The following MFSD8 variants were observed in gnomAD, a reference collection of about 807,000 sequenced individuals.
The protein encoded by MFSD8 is major facilitator superfamily domain containing 8, also known as major facilitator superfamily domain-containing protein 8.
Under a neutral mutation model 66.4 loss-of-function variants are expected in MFSD8, and 55 were observed. The ratio of observed to expected loss-of-function variants is 0.83; its 90% CI spans 0.67 to 1.04. MFSD8 has a LOEUF of 1.04. Ranked by LOEUF, MFSD8 falls within the 50% of genes least tolerant of loss-of-function variation. The pLI, the probability that MFSD8 is intolerant of heterozygous loss-of-function variation, is 0.00. For synonymous variants in MFSD8, 202 were observed against 212.8 expected, an observed-to-expected ratio of 0.95 and a Z score of 0.44; for missense variants, 550 against 627.6, an observed-to-expected ratio of 0.88 and a Z score of 1.32.
chr4:127,920,557 C>G lies in MFSD8; in HGVS notation c.*73G>C. ...GTCTGATTCTTGGAGACTGGCTCAC[C>G]GCAATTGTCTAGCAGAGCTTTAGAC... On this transcript the variant is annotated 3_prime_UTR_variant, in exon 12 of 12. Transcript: ENST00000641686. 6.8e-7 allele frequency: 1 copy of G among 1,479,588 alleles called. No homozygotes were observed. The highest frequency in any genetic ancestry group is 1.1e-5 in the South Asian group (1 of 88,054). 91.7% of individuals were successfully genotyped at this position (1,479,588 alleles called of 1,614,324 possible).
chr4:127,921,840 AG>A lies in MFSD8; in HGVS notation c.1102+19del, dbSNP rs1380320027. On this transcript the variant is annotated intron_variant, in intron 10 of 11. Transcript: ENST00000641686. ...GATAAATAACAGAGGTTAACATTAT[AG>A]AATTATGTATGGCTATACCTTCCCA... 1.9e-6 allele frequency: 3 copies of A among 1,612,858 alleles called. No homozygotes were observed. Among genetic ancestry groups the A allele is most frequent in the Non-Finnish European group, 8.5e-7 (1 of 1,178,820 alleles).
At chr4:127,951,730 A>AT (rs535484160) in intron 2 of MFSD8, among the ~76,000 whole-genome samples, 1,697 of 136,174 alleles carry the variant, frequency 0.012, 34 homozygotes, top group African/African-American at 0.031. Context: ...TTCACTTAGT[A>AT]TTTTTTTTTT....
intron 3 of MFSD8, among the ~76,000 whole-genome samples, chr4:127,947,892 A>T (rs1298397366): frequency 1.3e-5 from 2 of 149,958 alleles, no homozygotes; most frequent in African/African-American, 4.9e-5. Context: ...ACACACACAC[A>T]CACACACTCT....
rs760252298 is a variant in MFSD8, at chr4:127,942,094, G to A, written c.504C>T (p.Ser168=). The part of the protein sequence containing the change: ...GATSLQERTS[S]MANISMCQAL... ...CTTGACACATGCTTATGTTTGCCAT[G>A]GAACTTGTTCTTTCCTGAAGGGAAG... The change falls in exon 5 of 12, where the codon TCC becomes TCT. Residue 168 remains serine, a synonymous_variant. Transcript: ENST00000641686. The A allele has an allele frequency of 2.5e-6, 4 of 1,614,012 alleles. No homozygotes were observed. The South Asian group carries it at 4.4e-5, about 18-fold the overall frequency.
chr4:127,922,362 A>T (rs957759317), intron 9 of MFSD8, among the ~76,000 whole-genome samples: 2 of 152,154 alleles, frequency 1.3e-5, no homozygotes, highest in Non-Finnish European at 2.9e-5. Context: ...AGTGGCTCAC[A>T]CCTATAACCC....
intron 3 of MFSD8, 86 bp from the exon 4 acceptor site, chr4:127,944,078 C>G (rs1406169548): frequency 1.9e-6 from 3 of 1,566,466 alleles, no homozygotes; most frequent in Non-Finnish European, 2.6e-6. Flanking sequence ...GTAAGATTTC[C>G]TATCAAAAAA....
rs549076147 is a variant in MFSD8, at chr4:127,940,206, T to A, written c.554-209A>T. Among the ~76,000 whole-genome samples the A allele has an allele frequency of 7.9e-5, 12 of 152,094 alleles. No homozygotes were observed. The South Asian group carries it at 2.3e-3, about 29-fold the overall frequency. ...AAGCAGGTATGTACAGATATACATATGGTACATAAAAGATATATGACACAT... is the reference window on the plus strand; with the variant it reads ...AAGCAGGTATGTACAGATATACATAAGGTACATAAAAGATATATGACACAT... On this transcript the variant is annotated intron_variant, in intron 5 of 11. Coordinates refer to ENST00000641686, the MANE Select transcript of MFSD8 (RefSeq NM_001371596.2).
chr4:127,959,754 T>A (rs1743446392), intron 1 of MFSD8, among the ~76,000 whole-genome samples: 1 of 152,200 alleles, frequency 6.6e-6, no homozygotes, highest in Admixed American at 6.5e-5. Flanking sequence ...TTTTTCAAAA[T>A]AAAAAGATTT....
chr4:127,948,221 G>A (rs1246292729), intron 3 of MFSD8, among the ~76,000 whole-genome samples: 1 of 152,134 alleles, frequency 6.6e-6, no homozygotes, highest in Non-Finnish European at 1.5e-5. Flanking sequence ...GAGACTGTTA[G>A]GTGATGGTCA....
intron 2 of MFSD8, among the ~76,000 whole-genome samples, chr4:127,950,858 G>A (rs1180094574): frequency 6.6e-6 from 1 of 151,454 alleles, no homozygotes; most frequent in Non-Finnish European, 1.5e-5. Context: ...AGGAGTTTGA[G>A]ACCAGCCTGG....
In MFSD8 at chr4:127,920,368, T is replaced by TTCCATTCAC; in HGVS notation, c.*261_*262insGTGAATGGA. The TTCCATTCAC allele has an allele frequency of 2.1e-6, 1 of 467,854 alleles. No individual in the cohort carries two copies. Among genetic ancestry groups the TTCCATTCAC allele is most frequent in the South Asian group, 2.1e-5 (1 of 47,110 alleles). The allele number at this position is 467,854 out of a possible 1,614,324, so 29.0% of individuals were successfully genotyped here. On this transcript the variant is annotated 3_prime_UTR_variant, in exon 12 of 12. Coordinates refer to ENST00000641686, the MANE Select transcript of MFSD8 (RefSeq NM_001371596.2). ...TCATCATTGTCCATTCACTCATTAG[T>TTCCATTCAC]TCATGCAACCACAAAAAGGTATTAT...
Position 127,921,587 on chromosome 4 carries a change from G to C in MFSD8, c.1287C>G (p.Gly429=), listed in dbSNP as rs138072045. ...AGGACATAAGATTGCAGACTGGATA[G>C]CCTAATCCTATTAGCACAGCTGATG... ...FLTSAVLIGL[G]YPVCNLMSYT... Residue 429 remains glycine (G), a synonymous_variant, in exon 11 of 12, where the codon GGC becomes GGG. Coordinates refer to ENST00000641686, the MANE Select transcript of MFSD8 (RefSeq NM_001371596.2). 3.7e-6 allele frequency: 6 copies of C among 1,614,184 alleles called. No homozygotes were observed. Among genetic ancestry groups the C allele is most frequent in the Non-Finnish European group, 4.2e-6 (5 of 1,180,032 alleles).
chr4:127,939,904 A>G lies in MFSD8; in HGVS notation c.647T>C (p.Leu216Pro). ...ATTTAAAATTCCCAGGAAGGCGCTA[A>G]GTAAAACTGGTGTTGTATACATGTT... ...QINMYTTPVL[L>P]SAFLGILNII... The change falls in exon 6 of 12, where the codon CTT becomes CCT. Residue 216 changes from leucine (L) to proline (P), a missense_variant. By Grantham distance (98) the Leu-to-Pro change is moderately conservative. Transcript: ENST00000641686. The G allele has an allele frequency of 6.2e-7, 1 of 1,613,672 alleles. No homozygotes were observed. The highest frequency in any genetic ancestry group is 8.5e-7 in the Non-Finnish European group (1 of 1,179,750).
chr4:127,949,050 T>G (rs1741522213), intron 3 of MFSD8, among the ~76,000 whole-genome samples: 1 of 152,216 alleles, frequency 6.6e-6, no homozygotes, highest in Non-Finnish European at 1.5e-5. Context: ...GAAAAGTATT[T>G]CGTGATCAAC....
At position 127,953,853 on chromosome 4, in the gene MFSD8, C is replaced by T. The variant is rs561372006; in HGVS notation, c.154+3648G>A. On this transcript the variant is annotated intron_variant, in intron 2 of 11. Transcript: ENST00000641686. Reference sequence around the variant, plus strand: ...ATTATAAAGAATTGTTGAAAATATCCTTTATCATTCACTTTTCTTTTTACC... The same window carrying T: ...ATTATAAAGAATTGTTGAAAATATCTTTTATCATTCACTTTTCTTTTTACC... Among the ~76,000 whole-genome samples the T allele has an allele frequency of 1.2e-4, 18 of 152,260 alleles. No homozygotes were observed. In the East Asian group the frequency reaches 3.3e-3, roughly 28 times the overall value.
chr4:127,956,022 G>A (rs1742802431), intron 2 of MFSD8, among the ~76,000 whole-genome samples: 1 of 151,900 alleles, frequency 6.6e-6, no homozygotes, highest in African/African-American at 2.4e-5. Context: ...GGGAGGCTAA[G>A]GCACAAGAAT....
intron 3 of MFSD8, among the ~76,000 whole-genome samples, chr4:127,947,118 T>G (rs1169076753): frequency 6.6e-6 from 1 of 151,572 alleles, no homozygotes; most frequent in Non-Finnish European, 1.5e-5. Context: ...CCAGGCCAGG[T>G]GCAGTGGCTC....
Position 127,920,743 on chromosome 4 carries a change from G to T in MFSD8, c.1444C>A (p.Arg482=). Residue 482 remains arginine, a synonymous_variant, in exon 12 of 12, where the codon CGA becomes AGA. Coordinates refer to ENST00000641686, the MANE Select transcript of MFSD8 (RefSeq NM_001371596.2). ...CCACACACCAGGCTGAATGCCCATC[G>T]TGGTCCCCAGTGAGCATACACTTGG... ...ISQVYAHWGP[R]WAFSLVCGII... 1 of 1,614,020 alleles carries T rather than the reference G, an allele frequency of 6.2e-7. No individual in the cohort carries two copies. The highest frequency in any genetic ancestry group is 1.3e-5 in the African/African-American group (1 of 74,984).
At chr4:127,963,815 TTC>T (rs1296414508) in intron 1 of MFSD8, among the ~76,000 whole-genome samples, 3 of 152,214 alleles carry the variant, frequency 2.0e-5, no homozygotes, top group Non-Finnish European at 1.5e-5. Flanking sequence ...CCTGCTTTTA[TTC>T]TCTTATCTGG....
Sources: gnomAD v4.1 joint callset for allele counts (sites outside exome capture counted in the v4.1 genomes callset) on GRCh38, gnomAD v4.1.1 for gene constraint, MANE v1.5 for transcripts, NCBI Gene and HGNC (gene_info 2026-07-23, HGNC 2026-07-21) for gene names.